CPAMD8: variants seen among roughly 807,000 people sequenced by gnomAD.
CPAMD8 encodes the protein C3 and PZP-like alpha-2-macroglobulin domain-containing protein 8.
Under a neutral mutation model 224.7 loss-of-function variants are expected in CPAMD8, and 146 were observed. The ratio of observed to expected loss-of-function variants is 0.65; its 90% CI spans 0.57 to 0.75. The LOEUF (loss-of-function observed/expected upper bound fraction) is 0.75, where lower values mean the gene tolerates loss of function less well. CPAMD8 is among the 30% of genes least tolerant of loss of function. CPAMD8 has a pLI of 0.00. For synonymous variants in CPAMD8, 966 were observed against 1,044.6 expected (o/e 0.92, Z 1.45); for missense variants, 2,301 against 2,537.5 (o/e 0.91, Z 2.00).
At chr19:16,956,674 T>A (rs1004514164) in intron 19 of CPAMD8, among the ~76,000 whole-genome samples, 2 of 144,864 alleles carry the variant, frequency 1.4e-5, no homozygotes, top group Non-Finnish European at 1.5e-5. Flanking sequence ...TATGAAATAT[T>A]TTTTTTTTTT....
chr19:16,900,451 A>T (rs1038341638), intron 36 of CPAMD8, among the ~76,000 whole-genome samples: 3 of 152,036 alleles, frequency 2.0e-5, no homozygotes, highest in African/African-American at 4.8e-5. Context: ...CAAAAAAATT[A>T]GCTGGGCGTG....
At chr19:16,907,377 G>A (rs2052565177) in intron 29 of CPAMD8, 1 of 252,078 alleles carries the variant, frequency 4.0e-6, no homozygotes, top group Non-Finnish European at 7.2e-6. Context: ...GGAGGCCAAG[G>A]TGGGTGGATC....
chr19:16,959,827 C>T (rs879742214), intron 18 of CPAMD8, among the ~76,000 whole-genome samples: 5 of 152,300 alleles, frequency 3.3e-5, no homozygotes, highest in Admixed American at 6.5e-5. Context: ...GCATAAGCCA[C>T]CACGCCCGGC....
chr19:17,015,708 C>T (rs951062217), intron 3 of CPAMD8, among the ~76,000 whole-genome samples: 7 of 152,142 alleles, frequency 4.6e-5, no homozygotes, highest in Admixed American at 4.6e-4. Context: ...TCAACACTGG[C>T]CAGAGGCTGA....
At chr19:16,939,126 C>T (rs2053793328) in intron 22 of CPAMD8, among the ~76,000 whole-genome samples, 1 of 152,100 alleles carries the variant, frequency 6.6e-6, no homozygotes, top group South Asian at 2.1e-4. Flanking sequence ...CCTGGCAGCC[C>T]CTTTCCCCAT....
chr19:16,932,077 C>A (rs1050470488), intron 23 of CPAMD8, among the ~76,000 whole-genome samples: 7 of 151,938 alleles, frequency 4.6e-5, no homozygotes, highest in African/African-American at 9.7e-5. Flanking sequence ...CACAATAATT[C>A]TTGAGCAACA....
chr19:16,952,376 T>C (rs1229021857), intron 19 of CPAMD8, among the ~76,000 whole-genome samples, 176 bp from the exon 20 acceptor site: 1 of 152,186 alleles, frequency 6.6e-6, no homozygotes, highest in African/African-American at 2.4e-5. Flanking sequence ...CCCTCAGCCC[T>C]GACTCTAATA....
intron 34 of CPAMD8, 76 bp downstream of exon 34, chr19:16,903,485 G>T: frequency 4.4e-6 from 7 of 1,600,618 alleles, no homozygotes; most frequent in Middle Eastern, 2.1e-4. Context: ...GGTCCCTGGG[G>T]TTCCACTGTG....
chr19:17,008,802 A>G, intron 6 of CPAMD8: 1 of 560,488 alleles, frequency 1.8e-6, no homozygotes, highest in Non-Finnish European at 3.2e-6. Flanking sequence ...CTAGAAATGG[A>G]CGTGGCTGGG....
rs377275521 is a variant in CPAMD8, at chr19:16,925,320, C to T, written c.3423G>A (p.Pro1141=). The change falls in exon 26 of 42, where the codon CCG becomes CCA. Residue 1141 remains proline, a synonymous_variant. Coordinates refer to ENST00000443236, the MANE Select transcript of CPAMD8 (RefSeq NM_015692.5). ...LNHLNNLLRL[P]FGCGEQNMIH... ...TCATGTTCTGCTCTCCACAGCCAAA[C>T]GGCAGCCGCAGGAGGTTGTTGAGGT... 2.5e-4 allele frequency: 400 copies of T among 1,614,216 alleles called. No individual in the cohort carries two copies. The highest frequency in any genetic ancestry group is 6.6e-4 in the Middle Eastern group (4 of 6,062).
At chr19:16,896,761 G>A in intron 39 of CPAMD8, 96 bp from the exon 40 acceptor site, 1 of 871,928 alleles carries the variant, frequency 1.1e-6, no homozygotes, top group Non-Finnish European at 1.6e-6. Flanking sequence ...TGGGTCCCGG[G>A]CCCACTACCC....
intron 24 of CPAMD8, 95 bp from the exon 25 acceptor site, chr19:16,928,329 G>T: frequency 1.0e-6 from 1 of 952,652 alleles, no homozygotes; most frequent in Non-Finnish European, 1.6e-6. Flanking sequence ...AGGGTCAGAG[G>T]CCTCAGCCAT....
chr19:16,967,891 A>ATATGTGCATATATACACACACG (rs1568540018), intron 18 of CPAMD8, among the ~76,000 whole-genome samples: 7 of 25,916 alleles, frequency 2.7e-4, no homozygotes, highest in African/African-American at 3.6e-4. Context: ...ATACACACAC[A>ATATGTGCATATATACACACACG]TGTGTGTGTA....
intron 13 of CPAMD8, among the ~76,000 whole-genome samples, chr19:16,982,668 C>T (rs932616726): frequency 6.6e-6 from 1 of 151,966 alleles, no homozygotes; most frequent in African/African-American, 2.4e-5. Context: ...AACTCCATCT[C>T]CACAAAAAAT....
chr19:16,932,314 G>T (rs146491876), intron 23 of CPAMD8, among the ~76,000 whole-genome samples: 2 of 152,178 alleles, frequency 1.3e-5, no homozygotes, highest in Non-Finnish European at 2.9e-5. Flanking sequence ...CTAGCTTCTT[G>T]GGGGTCTGAG....
At chr19:16,964,490 G>A (rs1801623645) in intron 18 of CPAMD8, among the ~76,000 whole-genome samples, 1 of 152,112 alleles carries the variant, frequency 6.6e-6, no homozygotes, top group Non-Finnish European at 1.5e-5. Flanking sequence ...ACTAAACCAG[G>A]AAGAACGTGA....
intron 3 of CPAMD8, among the ~76,000 whole-genome samples, chr19:17,012,343 TTTC>T (rs573049689): frequency 6.8e-5 from 6 of 87,856 alleles, no homozygotes; most frequent in Non-Finnish European, 1.4e-4. Flanking sequence ...TCTTTCTTTC[TTTC>T]TTTCTTTTTT....
chr19:17,005,007 C>T (rs928820322), intron 7 of CPAMD8, among the ~76,000 whole-genome samples: 10 of 151,336 alleles, frequency 6.6e-5, no homozygotes, highest in South Asian at 4.2e-4. Context: ...GACAGGGTCT[C>T]CTGCCAGGAT....
Position 16,914,531 on chromosome 19 carries a change from C to A in CPAMD8, c.3787-33G>T, listed in dbSNP as rs749944979. Reference sequence around the variant, plus strand: ...GGGACTCACAGGCCTCACCCTAAGCCAAAGGAGACAGTCCACTTCCCCCCA... The same window carrying A: ...GGGACTCACAGGCCTCACCCTAAGCAAAAGGAGACAGTCCACTTCCCCCCA... On this transcript the variant is annotated intron_variant, in intron 28 of 41. Transcript: ENST00000443236. The A allele has an allele frequency of 5.3e-5, 86 of 1,612,246 alleles. No homozygotes were observed. The South Asian group carries it at 9.1e-4, about 17-fold the overall frequency.
Sources: allele counts gnomAD v4.1 joint callset (sites outside exome capture counted in the v4.1 genomes callset), GRCh38; gene constraint gnomAD v4.1.1; transcripts MANE v1.5; gene names NCBI Gene and HGNC (gene_info 2026-07-23, HGNC 2026-07-21).